Variants in FAM135A observed in about 807,000 individuals in gnomAD.
FAM135A encodes family with sequence similarity 135 member A.
FAM135A carries 79 observed loss-of-function variants against 146.8 expected under a neutral mutation model. The ratio of observed to expected loss-of-function variants is 0.54; its 90% confidence interval spans 0.45 to 0.65. The LOEUF is 0.65. Ranked by LOEUF, FAM135A falls within the 30% of genes least tolerant of loss-of-function variation. The pLI is 0.00. For synonymous variants in FAM135A, 562 were observed against 603.6 expected (o/e 0.93, Z 1.01); for missense variants, 1,623 against 1,758.2 (o/e 0.92, Z 1.38).
At chr6:70,417,517 T>C (rs1386894655) in intron 2 of FAM135A, 1 of 769,856 alleles carries the variant, frequency 1.3e-6, no homozygotes, top group Non-Finnish European at 1.6e-6. Context: ...CTGGCTGTAG[T>C]CTGGGACATT....
chr6:70,451,616 T>C lies in FAM135A; in HGVS notation c.78-876T>C, dbSNP rs186790046. Among the ~76,000 whole-genome samples, 517 of 152,322 alleles carry C rather than the reference T, an allele frequency of 3.4e-3. 3 individuals are homozygous for C. The highest frequency in any genetic ancestry group is 5.9e-3 in the Non-Finnish European group (399 of 68,030). On this transcript the variant is annotated intron_variant, in intron 4 of 21. Coordinates refer to ENST00000418814, the MANE Select transcript of FAM135A (RefSeq NM_001162529.3). ...ATTTACTCTTTGCGATCTGATGCTA[T>C]ATCCTTTCCAAGATGACACCTTCCT...
At chr6:70,555,699 T>A (rs1408961908) in intron 20 of FAM135A, among the ~76,000 whole-genome samples, 1 of 152,080 alleles carries the variant, frequency 6.6e-6, no homozygotes, top group Non-Finnish European at 1.5e-5. Flanking sequence ...GATATTAGTG[T>A]TAAATTGTGT....
At chr6:70,465,505 G>A (rs1197242121) in intron 5 of FAM135A, among the ~76,000 whole-genome samples, 4 of 151,860 alleles carry the variant, frequency 2.6e-5, no homozygotes, top group South Asian at 2.1e-4. Context: ...CACTGCCCTC[G>A]ACCTCTTGAG....
intron 10 of FAM135A, among the ~76,000 whole-genome samples, chr6:70,484,968 T>A (rs149176275): frequency 1.3e-5 from 2 of 152,212 alleles, no homozygotes; most frequent in African/African-American, 4.8e-5. Context: ...ATAGAAAGTA[T>A]CGTAATAAAA....
rs528570912 is a variant in FAM135A, at chr6:70,421,208, A to G, written c.-133-5231A>G. ...CCACACTACTTTTTTTTAGTGTTCT[A>G]CATTTTTAACTATTAAGGTAAAATG... On this transcript the variant is annotated intron_variant, in intron 2 of 21. Transcript: ENST00000418814. 8.9e-4 allele frequency among the ~76,000 whole-genome samples: 135 copies of G among 152,276 alleles called. 1 individual carries two copies. Among genetic ancestry groups the G allele is most frequent in the African/African-American group, 3.2e-3 (131 of 41,566 alleles).
At chr6:70,417,137 A>AG (rs1230498012) in intron 2 of FAM135A, among the ~76,000 whole-genome samples, 1 of 152,182 alleles carries the variant, frequency 6.6e-6, no homozygotes, top group African/African-American at 2.4e-5. Flanking sequence ...CTCTCAACCG[A>AG]GAAACCATTC....
intron 10 of FAM135A, among the ~76,000 whole-genome samples, chr6:70,485,110 A>G (rs1200460455): frequency 2.0e-5 from 3 of 152,212 alleles, no homozygotes; most frequent in African/African-American, 7.2e-5. Flanking sequence ...AAATAAGTAT[A>G]TGATAGAAAT....
intron 5 of FAM135A, among the ~76,000 whole-genome samples, chr6:70,473,450 C>T (rs1163499734): frequency 6.6e-6 from 1 of 152,114 alleles, no homozygotes; most frequent in Non-Finnish European, 1.5e-5. Flanking sequence ...TGATGAAAAC[C>T]ATAAGTTCAT....
intron 20 of FAM135A, among the ~76,000 whole-genome samples, chr6:70,555,206 C>T (rs948734767): frequency 2.6e-5 from 4 of 151,992 alleles, no homozygotes; most frequent in Admixed American, 6.6e-5. Flanking sequence ...GGGAAAAAGT[C>T]AAGTCACTTT....
chr6:70,456,107 C>T (rs752014319), intron 5 of FAM135A, among the ~76,000 whole-genome samples: 25 of 152,200 alleles, frequency 1.6e-4, no homozygotes, highest in Non-Finnish European at 2.5e-4. Context: ...GCCTCGGCTG[C>T]GCCCATCCTG....
In FAM135A at chr6:70,414,330, A is replaced by G. The variant is rs190982650; in HGVS notation, c.-220+628A>G. Among the ~76,000 whole-genome samples, 201 of 152,210 alleles carry G rather than the reference A, an allele frequency of 1.3e-3. 2 individuals are homozygous for G. The highest frequency in any genetic ancestry group is 6.8e-3 in the Middle Eastern group (2 of 294). ...GTTGCCGATTGTGTTTTGCTTTAGC[A>G]TCGCTTTGCATTGGAGTTCATTCCA... On this transcript the variant is annotated intron_variant, in intron 1 of 21. Coordinates refer to ENST00000418814, the MANE Select transcript of FAM135A (RefSeq NM_001162529.3).
At position 70,542,248 on chromosome 6, in the gene FAM135A, G is replaced by GCACACACA. The variant is rs112638092; in HGVS notation, c.4228+3869_4228+3876dup. ...TGATTCTCTGTTTTCTTTTTATCCT[G>GCACACACA]CACACACACACACACACACACACAC... On this transcript the variant is annotated intron_variant, in intron 20 of 21. Coordinates refer to ENST00000418814, the MANE Select transcript of FAM135A (RefSeq NM_001162529.3). Among the ~76,000 whole-genome samples, 1,084 of 141,950 alleles carry GCACACACA rather than the reference G, an allele frequency of 7.6e-3. 5 individuals are homozygous for GCACACACA. Among genetic ancestry groups the GCACACACA allele is most frequent in the African/African-American group, 0.024 (829 of 34,846 alleles). The allele number at this position is 141,950 out of a possible 152,430, so 93.1% of individuals were successfully genotyped here.
intron 2 of FAM135A, among the ~76,000 whole-genome samples, chr6:70,424,595 C>G (rs1179664184): frequency 6.6e-6 from 1 of 152,106 alleles, no homozygotes; most frequent in Admixed American, 6.5e-5. Context: ...GAGCTGGATC[C>G]CTTTGTTTTG....
At chr6:70,531,800 C>T (rs115899781) in intron 16 of FAM135A, among the ~76,000 whole-genome samples, 3,291 of 151,982 alleles carry the variant, frequency 0.022, 105 homozygotes, top group African/African-American at 0.069. Flanking sequence ...ACCATTCTTC[C>T]GCTGAAGCTT....
chr6:70,477,849 A>G (rs1782921442), intron 8 of FAM135A, among the ~76,000 whole-genome samples: 2 of 152,208 alleles, frequency 1.3e-5, no homozygotes, highest in Admixed American at 1.3e-4. Flanking sequence ...ATTCAAGAGT[A>G]TGGGAAACAT....
intron 12 of FAM135A, among the ~76,000 whole-genome samples, chr6:70,514,866 T>C (rs1386525525): frequency 6.6e-6 from 1 of 152,128 alleles, no homozygotes; most frequent in Non-Finnish European, 1.5e-5. Flanking sequence ...TACTTCCAGA[T>C]GGTGGGGAGG....
chr6:70,542,248 G>GCACACACACA (rs112638092), intron 20 of FAM135A, among the ~76,000 whole-genome samples: 2,753 of 141,918 alleles, frequency 0.019, 37 homozygotes, highest in African/African-American at 0.042. Context: ...TTTTTATCCT[G>GCACACACACA]CACACACACA....
rs1008901344 is a variant in FAM135A at position 70,560,324 on chromosome 6, G to A, written c.*403G>A. 4 of 153,206 alleles carry A rather than the reference G, an allele frequency of 2.6e-5. No individual in the cohort carries two copies. The highest frequency in any genetic ancestry group is 5.8e-5 in the Non-Finnish European group (4 of 68,610). 9.5% of individuals were successfully genotyped at this position (153,206 alleles called of 1,614,324 possible). A position where few individuals can be genotyped will look rare whatever the true frequency, so the allele number is the denominator to read the frequency against. ...TTTCTAATACTGGGGGTATTATTTA[G>A]TTAATTATAAATTTTTCTTTTCACA... On this transcript the variant is annotated 3_prime_UTR_variant, in exon 22 of 22. Transcript: ENST00000418814.
rs1300489266 is a variant in FAM135A, at chr6:70,533,772, G to A, written c.3883G>A (p.Asp1295Asn). ...SERNQNDTFA[D>N]FDSMTDRLLD... is the part of the protein sequence containing the mutation. ...TTCTTTTTAGAATGATACTTTTGCT[G>A]ATTTTGATAGCATGACTGATCGTCT... The change falls in exon 18 of 22, where the codon GAT becomes AAT. Residue 1295 changes from aspartate (D) to asparagine (N), a missense_variant. This residue lies in a region of FAM135A where 1,061 missense variants were observed against 1,113.8 expected (regional missense o/e 0.95). Coordinates refer to ENST00000418814, the MANE Select transcript of FAM135A (RefSeq NM_001162529.3). 6.3e-7 allele frequency: 1 copy of A among 1,584,378 alleles called. No individual in the cohort carries two copies. Among genetic ancestry groups the A allele is most frequent in the Non-Finnish European group, 8.6e-7 (1 of 1,167,586 alleles).
Sources: gnomAD v4.1 joint callset for allele counts (sites outside exome capture counted in the v4.1 genomes callset) on GRCh38, gnomAD v4.1.1 for gene constraint, gnomAD v4.1.1 regional missense constraint, MANE v1.5 for transcripts, NCBI Gene and HGNC (gene_info 2026-07-23, HGNC 2026-07-21) for gene names.